Variants in NFX1 observed in about 807,000 individuals in gnomAD.
NFX1 encodes nuclear transcription factor, X-box binding 1.
A neutral mutation model predicts 137.2 loss-of-function variants in NFX1; 69 were observed. That is an observed-to-expected ratio of 0.50 (90% CI 0.41 to 0.61). The LOEUF (loss-of-function observed/expected upper bound fraction) is 0.61, where lower values mean the gene tolerates loss of function less well. Among genes scored for constraint, NFX1 ranks in the 20% least tolerant of loss-of-function variants. NFX1 has a pLI of 0.00. For missense variants in NFX1, 1,167 were observed against 1,391.0 expected (o/e 0.84, Z 2.56); for synonymous variants, 495 against 474.1 (o/e 1.04, Z -0.57).
intron 2 of NFX1, among the ~76,000 whole-genome samples, chr9:33,300,561 T>C (rs1421124666): frequency 6.6e-6 from 1 of 152,186 alleles, no homozygotes; most frequent in Non-Finnish European, 1.5e-5. Context: ...AGTATCTGGC[T>C]GTATTGAAAT....
chr9:33,365,464 C>G (rs2118700968), intron 21 of NFX1: 1 of 152,192 alleles, frequency 6.6e-6, no homozygotes, highest in African/African-American at 2.4e-5. Flanking sequence ...AAAAATTAGC[C>G]AGGTGTGGTG....
chr9:33,351,885 T>C, intron 16 of NFX1, 95 bp downstream of exon 16: 1 of 1,058,618 alleles, frequency 9.4e-7, no homozygotes, highest in Non-Finnish European at 1.3e-6. Flanking sequence ...GCATGCATCT[T>C]AATTAAGGGT....
At chr9:33,352,276 C>T (rs1214544616) in intron 16 of NFX1, 12 of 396,456 alleles carry the variant, frequency 3.0e-5, no homozygotes, top group Non-Finnish European at 5.9e-5. Context: ...GAGGTTAAGC[C>T]TGGTCTAAAG....
chr9:33,370,912 A>G lies in NFX1; in HGVS notation c.*934A>G, dbSNP rs1824306729. On this transcript the variant is annotated 3_prime_UTR_variant, in exon 24 of 24. Transcript: ENST00000379540. ...ACTCTGTTTGAATATTCCAAGTAGTATATGGACAGTCCAGGGCTTATGCCC... is the reference window on the plus strand; with the variant it reads ...ACTCTGTTTGAATATTCCAAGTAGTGTATGGACAGTCCAGGGCTTATGCCC... 6.6e-6 allele frequency: 1 copy of G among 152,270 alleles called. No homozygotes were observed. The highest frequency in any genetic ancestry group is 1.5e-5 in the Non-Finnish European group (1 of 68,110). The allele number at this position is 152,270 out of a possible 1,614,324, so 9.4% of individuals were successfully genotyped here.
chr9:33,295,312 T>C lies in NFX1; in HGVS notation c.918T>C (p.Ser306=), dbSNP rs143543780. 35 of 1,614,134 alleles carry C rather than the reference T, an allele frequency of 2.2e-5. No individual in the cohort carries two copies. The Admixed American group carries it at 5.2e-4, about 24-fold the overall frequency. The change falls in exon 2 of 24, where the codon TCT becomes TCC. Residue 306 remains serine (S), a synonymous_variant. Transcript: ENST00000379540. ...AGAACTTGGCAGTCATCAACAAGTC[T>C]TCCAGGAGGGTTGACCAAGAGAAAT... ...DSENLAVINK[S]SRRVDQEKCT...
rs369595639 is a variant in NFX1, at chr9:33,294,329, G to A, written c.26-91G>A. 4.1e-5 allele frequency: 50 copies of A among 1,220,078 alleles called. No homozygotes were observed. In the South Asian group the frequency reaches 7.1e-4, roughly 17 times the overall value. 75.6% of individuals were successfully genotyped at this position (1,220,078 alleles called of 1,614,324 possible). A position where few individuals can be genotyped will look rare whatever the true frequency, so the allele number is the denominator to read the frequency against. On this transcript the variant is annotated intron_variant, in intron 1 of 23. Transcript: ENST00000379540. ...CAGCATGTTTTATACAAAGTTCTAAGGAAAGTAATTTTTAGATTTGGCTTG... is the reference window on the plus strand; with the variant it reads ...CAGCATGTTTTATACAAAGTTCTAAAGAAAGTAATTTTTAGATTTGGCTTG...
intron 22 of NFX1, 35 bp downstream of exon 22, chr9:33,366,809 A>G (rs1401931995): frequency 6.2e-7 from 1 of 1,603,282 alleles, no homozygotes; most frequent in Non-Finnish European, 8.5e-7. Flanking sequence ...AAGAACTCCT[A>G]AGCAGGGCAA....
intron 15 of NFX1, chr9:33,347,942 C>T (rs1311820441): frequency 1.9e-5 from 3 of 157,870 alleles, no homozygotes; most frequent in South Asian, 1.6e-4. Context: ...AACCAAACAT[C>T]GTATGTTCTC....
intron 9 of NFX1, among the ~76,000 whole-genome samples, chr9:33,319,359 A>T (rs918946329): frequency 6.6e-6 from 1 of 152,224 alleles, no homozygotes; most frequent in Non-Finnish European, 1.5e-5. Context: ...AACTCTGGAC[A>T]ACTGTGGTGA....
intron 11 of NFX1, among the ~76,000 whole-genome samples, chr9:33,335,799 ATATT>A (rs1390608657): frequency 2.0e-5 from 3 of 152,176 alleles, no homozygotes; most frequent in Non-Finnish European, 4.4e-5. Flanking sequence ...GTCACAATAT[ATATT>A]CTTTTGTGCC....
intron 9 of NFX1, among the ~76,000 whole-genome samples, chr9:33,321,420 G>A (rs1050195566): frequency 1.3e-5 from 2 of 152,110 alleles, no homozygotes; most frequent in East Asian, 1.9e-4. Context: ...TAGAAAGCTC[G>A]CTTAGGTCTT....
At chr9:33,363,926 T>A in intron 19 of NFX1, 84 bp from the exon 20 acceptor site, 1 of 797,046 alleles carries the variant, frequency 1.3e-6, no homozygotes, top group Non-Finnish European at 1.9e-6. Context: ...TGTAAAGAAT[T>A]TAGGATATAG....
intron 4 of NFX1, among the ~76,000 whole-genome samples, chr9:33,304,474 C>A (rs895321888): frequency 6.6e-6 from 1 of 152,188 alleles, no homozygotes; most frequent in Non-Finnish European, 1.5e-5. Context: ...TTTCTCCTTT[C>A]CCATTACTTA....
At chr9:33,307,921 A>C (rs1432904397) in intron 5 of NFX1, among the ~76,000 whole-genome samples, 5 of 149,102 alleles carry the variant, frequency 3.4e-5, no homozygotes, top group Non-Finnish European at 5.9e-5. Flanking sequence ...CTCCCACCTC[A>C]TCCTCCTGAG....
At chr9:33,317,695 G>T (rs777717084) in intron 7 of NFX1, among the ~76,000 whole-genome samples, 3 of 151,668 alleles carry the variant, frequency 2.0e-5, no homozygotes, top group African/African-American at 4.8e-5. Context: ...CTTAATTATG[G>T]CCGGGCGTGG....
intron 5 of NFX1, among the ~76,000 whole-genome samples, chr9:33,310,527 C>T (rs1312356388): frequency 1.3e-5 from 2 of 152,184 alleles, no homozygotes; most frequent in African/African-American, 4.8e-5. Context: ...TAGCATATCA[C>T]TCAGCCCAGT....
At chr9:33,341,339 C>G (rs1310235305) in intron 12 of NFX1, among the ~76,000 whole-genome samples, 1 of 152,090 alleles carries the variant, frequency 6.6e-6, no homozygotes, top group East Asian at 1.9e-4. Flanking sequence ...TATTCACTAT[C>G]ATGAGAACAG....
At position 33,295,077 on chromosome 9, in the gene NFX1, T is replaced by C. The variant is rs137867798; in HGVS notation, c.683T>C (p.Leu228Ser). The C allele has an allele frequency of 1.9e-6, 3 of 1,614,042 alleles. No homozygotes were observed. The highest frequency in any genetic ancestry group is 4.5e-5 in the East Asian group (2 of 44,876). Residue 228 changes from leucine (L) to serine (S), a missense_variant, in exon 2 of 24, where the codon TTG (leucine) becomes TCG (serine). Leu to Ser is a moderately radical substitution (Grantham distance 145). Transcript: ENST00000379540. Reference sequence around the variant, plus strand: ...GAGGCATCCTCTAGAAAAGGAGTATTGGATGGGTATGGAGCCAGACGAAAT... The same window carrying C: ...GAGGCATCCTCTAGAAAAGGAGTATCGGATGGGTATGGAGCCAGACGAAAT... ...SSEASSRKGV[L>S]DGYGARRNEQ... is the part of the protein sequence containing the mutation.
intron 13 of NFX1, among the ~76,000 whole-genome samples, chr9:33,343,857 G>C (rs761876492): frequency 6.6e-6 from 1 of 152,164 alleles, no homozygotes; most frequent in African/African-American, 2.4e-5. Context: ...AGTAATAAAT[G>C]AAACTTCATA....
Sources: gnomAD v4.1 joint callset for allele counts (sites outside exome capture counted in the v4.1 genomes callset) on GRCh38, gnomAD v4.1.1 for gene constraint, MANE v1.5 for transcripts, NCBI Gene and HGNC (gene_info 2026-07-23, HGNC 2026-07-21) for gene names.